The following CNTN3 variants were observed in gnomAD, a reference collection of about 807,000 sequenced individuals.
CNTN3 encodes the protein contactin 3, also known as contactin-3.
In CNTN3, 60 loss-of-function variants were observed where a neutral mutation model predicts 119.1. That is an observed-to-expected ratio of 0.50 (90% CI 0.41 to 0.62). The LOEUF is 0.62. CNTN3 is among the 20% of genes least tolerant of loss of function. The pLI, the probability that CNTN3 is intolerant of heterozygous loss-of-function variation, is 0.00. For missense variants in CNTN3, 1,101 were observed against 1,242.4 expected (o/e 0.89, Z 1.71); for synonymous variants, 450 against 438.7 (o/e 1.03, Z -0.32).
At chr3:74,411,542 G>T (rs1396404915) in intron 5 of CNTN3, among the ~76,000 whole-genome samples, 2 of 152,136 alleles carry the variant, frequency 1.3e-5, no homozygotes, top group Non-Finnish European at 2.9e-5. Context: ...ATGCATTCTT[G>T]TTTCCCTAGC....
In CNTN3 at chr3:74,371,009, G is replaced by T. The variant is rs113678199; in HGVS notation, c.658+187C>A. The stretch of plus-strand genomic sequence containing the variant: ...CTGCAAATTATGAAGCTTGCCCGGG[G>T]TAAGAATTATGCATAAGGACTATGA... On this transcript the variant is annotated intron_variant, in intron 6 of 22. Transcript: ENST00000263665. Among the ~76,000 whole-genome samples the T allele has an allele frequency of 2.6e-5, 4 of 152,206 alleles. 1 individual carries two copies. Among genetic ancestry groups the T allele is most frequent in the African/African-American group, 9.6e-5 (4 of 41,534 alleles).
chr3:74,355,545 C>G lies in CNTN3; in HGVS notation c.1364+6345G>C, dbSNP rs138982169. Among the ~76,000 whole-genome samples the G allele has an allele frequency of 2.8e-3, 425 of 152,020 alleles. 7 individuals are homozygous for G. Among genetic ancestry groups the G allele is most frequent in the African/African-American group, 9.9e-3 (411 of 41,376 alleles). On this transcript the variant is annotated intron_variant, in intron 11 of 22. Coordinates refer to ENST00000263665, the MANE Select transcript of CNTN3 (RefSeq NM_020872.3). The stretch of plus-strand genomic sequence containing the variant: ...TCTCGGTACACTGCAACCTCCAACT[C>G]CTGGGTTCAAGCAATTCTCATGCCT...
At chr3:74,437,313 T>C (rs917625859) in intron 4 of CNTN3, among the ~76,000 whole-genome samples, 2 of 151,828 alleles carry the variant, frequency 1.3e-5, no homozygotes, top group Non-Finnish European at 2.9e-5. Flanking sequence ...ATACAAAAAA[T>C]TAGCCGGGTG....
At chr3:74,493,675 G>A (rs1703007824) in intron 3 of CNTN3, among the ~76,000 whole-genome samples, 1 of 152,124 alleles carries the variant, frequency 6.6e-6, no homozygotes, top group South Asian at 2.1e-4. Context: ...CAGCTTTCAA[G>A]TTAATAAGCA....
chr3:74,289,114 A>G (rs993388173), intron 19 of CNTN3, among the ~76,000 whole-genome samples: 1 of 152,242 alleles, frequency 6.6e-6, no homozygotes, highest in Non-Finnish European at 1.5e-5. Flanking sequence ...TGATAATTAA[A>G]TACTCTGCCA....
At chr3:74,275,015 A>C (rs1204042240) in intron 20 of CNTN3, among the ~76,000 whole-genome samples, 1 of 152,196 alleles carries the variant, frequency 6.6e-6, no homozygotes, top group Non-Finnish European at 1.5e-5. Context: ...AATGCTCTGG[A>C]AAGTCTCAGC....
chr3:74,576,378 T>C (rs1281576358), intron 1 of CNTN3, among the ~76,000 whole-genome samples: 4 of 152,134 alleles, frequency 2.6e-5, no homozygotes, highest in Non-Finnish European at 5.9e-5. Flanking sequence ...AAATATTCAA[T>C]GTTACAGATA....
At chr3:74,353,788 T>C (rs1703872433) in intron 11 of CNTN3, among the ~76,000 whole-genome samples, 3 of 151,998 alleles carry the variant, frequency 2.0e-5, no homozygotes, top group Admixed American at 6.5e-5. Context: ...TTAAATAAAA[T>C]AAAATTAAGG....
rs937591388 is a variant in CNTN3, at chr3:74,454,941, T to C, written c.359-30001A>G. 6.6e-5 allele frequency among the ~76,000 whole-genome samples: 10 copies of C among 152,288 alleles called. No homozygotes were observed. The South Asian group carries it at 1.9e-3, about 28-fold the overall frequency. On this transcript the variant is annotated intron_variant, in intron 4 of 22. Coordinates refer to ENST00000263665, the MANE Select transcript of CNTN3 (RefSeq NM_020872.3). ...CCTTTCTCTCTGGCTGCCCTTAACATTTTTTCCTCATTTCAACTTTGGTGA... is the reference window on the plus strand; with the variant it reads ...CCTTTCTCTCTGGCTGCCCTTAACACTTTTTCCTCATTTCAACTTTGGTGA...
At chr3:74,502,994 T>TA (rs1703191627) in intron 2 of CNTN3, among the ~76,000 whole-genome samples, 1 of 152,166 alleles carries the variant, frequency 6.6e-6, no homozygotes, top group Non-Finnish European at 1.5e-5. Context: ...ACAATCCTCA[T>TA]AATAACTCTA....
At chr3:74,315,402 C>T (rs1018087999) in intron 13 of CNTN3, among the ~76,000 whole-genome samples, 1 of 152,122 alleles carries the variant, frequency 6.6e-6, no homozygotes, top group Non-Finnish European at 1.5e-5. Flanking sequence ...TGGACTCACC[C>T]TAAATTCTTT....
chr3:74,403,121 T>C (rs1022840313), intron 5 of CNTN3, among the ~76,000 whole-genome samples: 3 of 152,096 alleles, frequency 2.0e-5, no homozygotes, highest in African/African-American at 7.2e-5. Flanking sequence ...AAGGGAGTAA[T>C]GTGATTGAAT....
At chr3:74,276,487 C>T (rs748431435) in intron 20 of CNTN3, among the ~76,000 whole-genome samples, 1 of 152,084 alleles carries the variant, frequency 6.6e-6, no homozygotes, top group African/African-American at 2.4e-5. Flanking sequence ...CCAAAAGGAA[C>T]CTTTAAAACC....
intron 1 of CNTN3, among the ~76,000 whole-genome samples, chr3:74,579,284 A>G (rs889243056): frequency 7.9e-5 from 12 of 151,970 alleles, no homozygotes; most frequent in Admixed American, 1.3e-4. Flanking sequence ...AAAGAGAAAA[A>G]TTGAAAATCC....
At chr3:74,537,325 CACGCTTGGCTCCATATCAG>C (rs1156793352) in intron 1 of CNTN3, among the ~76,000 whole-genome samples, 2 of 152,088 alleles carry the variant, frequency 1.3e-5, no homozygotes, top group Non-Finnish European at 2.9e-5. Context: ...AAGTAGTCGC[CACGCTTGGCTCCATATCAG>C]ACCATGTGGG....
intron 11 of CNTN3, among the ~76,000 whole-genome samples, chr3:74,338,024 G>T (rs779809962): frequency 6.6e-6 from 1 of 151,744 alleles, no homozygotes; most frequent in Non-Finnish European, 1.5e-5. Context: ...CTCTTTCTTT[G>T]AATTCCTAAA....
chr3:74,583,952 G>T (rs540021954), intron 1 of CNTN3, among the ~76,000 whole-genome samples: 3 of 152,208 alleles, frequency 2.0e-5, no homozygotes, highest in African/African-American at 7.2e-5. Flanking sequence ...CTTGAAATCT[G>T]CATGACTTTT....
chr3:74,429,365 A>G (rs1701746759), intron 4 of CNTN3, among the ~76,000 whole-genome samples: 1 of 151,994 alleles, frequency 6.6e-6, no homozygotes. Context: ...ATACAGCAAA[A>G]CAGAGAACAC....
At chr3:74,309,807 A>G (rs980293244) in intron 13 of CNTN3, among the ~76,000 whole-genome samples, 1 of 152,208 alleles carries the variant, frequency 6.6e-6, no homozygotes, top group Non-Finnish European at 1.5e-5. Context: ...CATAAGCCGA[A>G]AGCAATACTC....
Sources: allele counts gnomAD v4.1 joint callset (sites outside exome capture counted in the v4.1 genomes callset), GRCh38; gene constraint gnomAD v4.1.1; transcripts MANE v1.5; gene names NCBI Gene and HGNC (gene_info 2026-07-23, HGNC 2026-07-21).